KIAA1217: variants seen among roughly 807,000 people sequenced by gnomAD.
The protein encoded by KIAA1217 is KIAA1217.
In KIAA1217, 88 loss-of-function variants were observed where a neutral mutation model predicts 163.9. The observed-to-expected ratio is 0.54, with a 90% CI of 0.45 to 0.64. The LOEUF is 0.64. KIAA1217 is among the 30% of genes least tolerant of loss of function. The pLI is 0.00. For missense variants in KIAA1217, 2,372 were observed against 2,475.0 expected (o/e 0.96, Z 0.88); for synonymous variants, 903 against 923.1 (o/e 0.98, Z 0.39).
At chr10:24,356,237 A>G (rs1051068241) in intron 2 of KIAA1217, among the ~76,000 whole-genome samples, 2 of 152,182 alleles carry the variant, frequency 1.3e-5, no homozygotes, top group African/African-American at 4.8e-5. Context: ...AGGTGGGATG[A>G]TTATTGCCAT....
chr10:24,278,271 T>C (rs879282930), intron 2 of KIAA1217, among the ~76,000 whole-genome samples: 1 of 152,138 alleles, frequency 6.6e-6, no homozygotes, highest in East Asian at 1.9e-4. Flanking sequence ...TGAGAGTTAC[T>C]CTGTGAGGCC....
intron 2 of KIAA1217, among the ~76,000 whole-genome samples, chr10:24,147,704 G>A (rs979764904): frequency 3.3e-5 from 5 of 151,428 alleles, no homozygotes; most frequent in East Asian, 1.9e-4. Context: ...GTGGTGGCAC[G>A]TGCCTGTAAT....
intron 1 of KIAA1217, among the ~76,000 whole-genome samples, chr10:23,726,264 T>G (rs1486796542): frequency 6.6e-6 from 1 of 151,772 alleles, no homozygotes; most frequent in East Asian, 1.9e-4. Context: ...AAAACTAATT[T>G]GTTTGTAAAA....
Position 24,536,839 on chromosome 10 carries a change from C to T in KIAA1217, c.3480C>T (p.Asp1160=), listed in dbSNP as rs368933412. The T allele has an allele frequency of 6.2e-7, 1 of 1,614,046 alleles. No individual in the cohort carries two copies. The part of the protein sequence containing the change: ...SNSHAEPSRA[D]SHVKDTRSGA... ...GTCATGCTGAGCCATCCCGGGCTGACAGTCACGTTAAAGACACTAGGTCGG... is the reference window on the plus strand; with the variant it reads ...GTCATGCTGAGCCATCCCGGGCTGATAGTCACGTTAAAGACACTAGGTCGG... The change falls in exon 17 of 21, where the codon GAC becomes GAT. Residue 1160 remains aspartate, a synonymous_variant. Coordinates refer to ENST00000376454, the MANE Select transcript of KIAA1217 (RefSeq NM_019590.5).
At chr10:23,860,255 A>G (rs925111909) in intron 1 of KIAA1217, among the ~76,000 whole-genome samples, 1 of 151,496 alleles carries the variant, frequency 6.6e-6, no homozygotes, top group African/African-American at 2.4e-5. Flanking sequence ...TTTTATCTTG[A>G]CGCTAAACTC....
In KIAA1217 at chr10:24,159,746, G is replaced by A. The variant is rs565470522; in HGVS notation, c.-170-59880G>A. On this transcript the variant is annotated intron_variant, in intron 2 of 18. Coordinates refer to the KIAA1217 transcript ENST00000376462. ...TGCAGTGAGCTGAGATCACGCCACT[G>A]CGCTCCAGCCTGGGCGACAGAGCTA... Among the ~76,000 whole-genome samples the A allele has an allele frequency of 4.6e-5, 7 of 152,192 alleles. No individual in the cohort carries two copies. The South Asian group carries it at 1.5e-3, about 32-fold the overall frequency.
intron 2 of KIAA1217, among the ~76,000 whole-genome samples, chr10:24,312,530 A>T (rs907307820): frequency 1.3e-5 from 2 of 151,864 alleles, no homozygotes; most frequent in African/African-American, 4.8e-5. Flanking sequence ...GAGGCAGGAG[A>T]ATTCCTTGAA....
At chr10:23,923,043 C>A (rs1336963160) in intron 1 of KIAA1217, among the ~76,000 whole-genome samples, 1 of 150,572 alleles carries the variant, frequency 6.6e-6, no homozygotes, top group South Asian at 2.1e-4. Context: ...ACACCTGTCA[C>A]CCAAGCAGGG....
chr10:24,523,785 G>A (rs1452204396), intron 12 of KIAA1217, among the ~76,000 whole-genome samples: 1 of 152,178 alleles, frequency 6.6e-6, no homozygotes, highest in African/African-American at 2.4e-5. Context: ...ACTACATCAT[G>A]GGTGGGGAGG....
In KIAA1217 at chr10:24,058,691, T is replaced by C. The variant is rs112883627; in HGVS notation, c.-171+51317T>C. Reference sequence around the variant, plus strand: ...TTTCTAATTTCCTTTTGCAGTAGTTTGTTAGTGTATAGAAACACAACTTAT... The same window carrying C: ...TTTCTAATTTCCTTTTGCAGTAGTTCGTTAGTGTATAGAAACACAACTTAT... On this transcript the variant is annotated intron_variant, in intron 2 of 18. Transcript: ENST00000376462. Among the ~76,000 whole-genome samples, 1,333 of 152,298 alleles carry C rather than the reference T, an allele frequency of 8.8e-3. 21 individuals are homozygous for C. Among genetic ancestry groups the C allele is most frequent in the African/African-American group, 0.031 (1,289 of 41,568 alleles).
intron 1 of KIAA1217, among the ~76,000 whole-genome samples, chr10:23,940,122 A>G (rs542662458): frequency 1.3e-5 from 2 of 152,222 alleles, no homozygotes; most frequent in African/African-American, 2.4e-5. Flanking sequence ...CTAATAACAG[A>G]GCTTCAAAAT....
chr10:23,837,175 T>C (rs924152772), intron 1 of KIAA1217, among the ~76,000 whole-genome samples: 5 of 152,204 alleles, frequency 3.3e-5, no homozygotes, highest in Non-Finnish European at 5.9e-5. Flanking sequence ...TCCATGATGC[T>C]ACAAATGATA....
At chr10:24,101,374 TA>T (rs200613563) in intron 2 of KIAA1217, among the ~76,000 whole-genome samples, 4,638 of 151,686 alleles carry the variant, frequency 0.031, 83 homozygotes, top group South Asian at 0.051. Flanking sequence ...TTAAATAATG[TA>T]AAAAAAAAGT....
At chr10:24,166,165 TG>T (rs923802376) in intron 2 of KIAA1217, among the ~76,000 whole-genome samples, 8 of 151,310 alleles carry the variant, frequency 5.3e-5, no homozygotes, top group African/African-American at 2.0e-4. Context: ...ACTGAGTGAT[TG>T]AAAAAAAAAA....
chr10:24,437,297 A>G (rs567197443), intron 4 of KIAA1217, among the ~76,000 whole-genome samples: 18 of 152,282 alleles, frequency 1.2e-4, no homozygotes, highest in South Asian at 6.2e-4. Flanking sequence ...CCGACTTCTA[A>G]CAAGCTACTG....
At chr10:23,739,664 G>T (rs1272224113) in intron 1 of KIAA1217, among the ~76,000 whole-genome samples, 1 of 152,124 alleles carries the variant, frequency 6.6e-6, no homozygotes, top group African/African-American at 2.4e-5. Flanking sequence ...CAAAGGCATG[G>T]CATAATCTTA....
intron 2 of KIAA1217, among the ~76,000 whole-genome samples, chr10:24,331,540 A>T (rs1485481654): frequency 6.6e-6 from 1 of 152,360 alleles, no homozygotes; most frequent in South Asian, 2.1e-4. Flanking sequence ...GCAATGAGGT[A>T]GAGAAGGTAG....
chr10:24,074,304 G>A (rs760645123), intron 2 of KIAA1217, among the ~76,000 whole-genome samples: 4 of 152,150 alleles, frequency 2.6e-5, no homozygotes, highest in East Asian at 1.9e-4. Flanking sequence ...AGCTGAGATC[G>A]TGTCACTGCA....
chr10:24,529,795 C>T lies in KIAA1217; in HGVS notation c.3082+1676C>T, dbSNP rs542105544. On this transcript the variant is annotated intron_variant, in intron 14 of 20. Coordinates refer to ENST00000376454, the MANE Select transcript of KIAA1217 (RefSeq NM_019590.5). ...TGATGGAGAAAATGCCCTAGCTCATCACATTTTTTTTTTTTTTTTTGAGAC... is the reference window on the plus strand; with the variant it reads ...TGATGGAGAAAATGCCCTAGCTCATTACATTTTTTTTTTTTTTTTTGAGAC... 1.6e-3 allele frequency among the ~76,000 whole-genome samples: 227 copies of T among 143,716 alleles called. 5 individuals carry two copies. Among genetic ancestry groups the T allele is most frequent in the African/African-American group, 5.9e-3 (217 of 36,608 alleles). The allele number at this position is 143,716 out of a possible 152,430, so 94.3% of individuals were successfully genotyped here. A position where few individuals can be genotyped will look rare whatever the true frequency, so the allele number is the denominator to read the frequency against.
Sources: gnomAD v4.1 joint callset for allele counts (sites outside exome capture counted in the v4.1 genomes callset) on GRCh38, gnomAD v4.1.1 for gene constraint, MANE v1.5 for transcripts, NCBI Gene and HGNC (gene_info 2026-07-23, HGNC 2026-07-21) for gene names.